Variants in KHDRBS2 observed in about 807,000 individuals in gnomAD.
KHDRBS2 encodes KH domain-containing, RNA-binding, signal transduction-associated protein 2.
KHDRBS2 carries 26 observed loss-of-function variants against 44.3 expected under a neutral mutation model. That is an observed-to-expected ratio of 0.59 (90% CI 0.43 to 0.81). The LOEUF is 0.81. KHDRBS2 is among the 40% of genes least tolerant of loss of function. KHDRBS2 has a pLI of 0.00. For missense variants in KHDRBS2, 476 were observed against 433.1 expected (o/e 1.10, Z -0.88); for synonymous variants, 194 against 151.1 (o/e 1.28, Z -2.08).
chr6:61,726,455 T>G (rs79584927), intron 7 of KHDRBS2, among the ~76,000 whole-genome samples: 1 of 152,118 alleles, frequency 6.6e-6, no homozygotes, highest in South Asian at 2.1e-4. Context: ...ACAAAGCATA[T>G]TCAAATAGGG....
chr6:62,081,158 CA>C (rs1797315933), intron 2 of KHDRBS2, among the ~76,000 whole-genome samples: 1 of 152,000 alleles, frequency 6.6e-6, no homozygotes, highest in South Asian at 2.1e-4. Context: ...GCATTTTTAA[CA>C]ATTAAGATAC....
At chr6:62,138,365 A>G (rs1309264106) in intron 2 of KHDRBS2, among the ~76,000 whole-genome samples, 1 of 152,226 alleles carries the variant, frequency 6.6e-6, no homozygotes, top group Non-Finnish European at 1.5e-5. Context: ...TAAAGCCAAT[A>G]TTGTTAAGAG....
rs1202205562 is a variant in KHDRBS2, at chr6:62,286,114, C to T, written c.-166G>A. On this transcript the variant is annotated 5_prime_UTR_variant, in exon 1 of 9. Coordinates refer to ENST00000281156, the MANE Select transcript of KHDRBS2 (RefSeq NM_152688.4). ...TGCACCCAGCACCTGCGACTCCCGC[C>T]GTCGGGCTGCGTGGCCCCGCGCCCA... 5 of 578,168 alleles carry T rather than the reference C, an allele frequency of 8.6e-6. No homozygotes were observed. Among genetic ancestry groups the T allele is most frequent in the African/African-American group, 6.0e-5 (3 of 50,408 alleles). The allele number at this position is 578,168 out of a possible 1,614,324, so 35.8% of individuals were successfully genotyped here.
At chr6:62,074,316 A>T (rs1795902006) in intron 2 of KHDRBS2, among the ~76,000 whole-genome samples, 1 of 151,928 alleles carries the variant, frequency 6.6e-6, no homozygotes, top group African/African-American at 2.4e-5. Context: ...TGGAACACAG[A>T]GATCCTGCAC....
intron 1 of KHDRBS2, among the ~76,000 whole-genome samples, chr6:62,226,412 T>C (rs1831834154): frequency 6.6e-6 from 1 of 152,210 alleles, no homozygotes; most frequent in Admixed American, 6.5e-5. Context: ...TTGTTTAAGG[T>C]CCTTGTAGAT....
At chr6:62,157,276 A>G in intron 2 of KHDRBS2, among the ~76,000 whole-genome samples, 1 of 151,768 alleles carries the variant, frequency 6.6e-6, no homozygotes, top group East Asian at 2.0e-4. Flanking sequence ...TCAGTGAGCC[A>G]AGATAGCGCC....
At chr6:61,957,978 G>A (rs1436057564) in intron 4 of KHDRBS2, among the ~76,000 whole-genome samples, 1 of 152,010 alleles carries the variant, frequency 6.6e-6, no homozygotes. Flanking sequence ...AACACTTAGG[G>A]AAAATAGAAA....
chr6:61,841,891 T>A (rs1793660698), intron 6 of KHDRBS2, among the ~76,000 whole-genome samples: 1 of 152,206 alleles, frequency 6.6e-6, no homozygotes. Flanking sequence ...TCCTCATTTG[T>A]GTTTTTTATC....
At chr6:62,039,338 C>T (rs180913250) in intron 3 of KHDRBS2, among the ~76,000 whole-genome samples, 1 of 151,304 alleles carries the variant, frequency 6.6e-6, no homozygotes, top group African/African-American at 2.4e-5. Flanking sequence ...CATTAGAGGA[C>T]AGCAGAAATA....
rs140671608 is a variant in KHDRBS2, at chr6:61,936,213, G to A, written c.484-34842C>T. Among the ~76,000 whole-genome samples, 54 of 151,778 alleles carry A rather than the reference G, an allele frequency of 3.6e-4. No individual in the cohort carries two copies. In the East Asian group the frequency reaches 9.1e-3, roughly 26 times the overall value. On this transcript the variant is annotated intron_variant, in intron 4 of 8. Coordinates refer to ENST00000281156, the MANE Select transcript of KHDRBS2 (RefSeq NM_152688.4). ...TTTGCTTCCTCTCCAGTTCTATTTT[G>A]TACCTTCCACTAGATTGATCACATT...
chr6:61,545,496 A>AAT, the KHDRBS2 span, among the ~76,000 whole-genome samples: 1 of 88,094 alleles, frequency 1.1e-5, no homozygotes, highest in Non-Finnish European at 2.2e-5. Flanking sequence ...ATTTTTAGCT[A>AAT]ATCTCTGTGT....
chr6:62,054,538 T>G (rs1361841786), intron 2 of KHDRBS2, among the ~76,000 whole-genome samples: 22 of 152,144 alleles, frequency 1.4e-4, no homozygotes, highest in South Asian at 1.0e-3. Context: ...AGATGAGGGA[T>G]TATCCTGGAT....
chr6:62,105,094 TC>T (rs2127377369), intron 2 of KHDRBS2, among the ~76,000 whole-genome samples: 1 of 152,222 alleles, frequency 6.6e-6, no homozygotes. Flanking sequence ...AAGAAAATGA[TC>T]ATTTGTACAG....
At chr6:61,823,157 G>A (rs1790246733) in intron 6 of KHDRBS2, among the ~76,000 whole-genome samples, 1 of 151,946 alleles carries the variant, frequency 6.6e-6, no homozygotes, top group Non-Finnish European at 1.5e-5. Flanking sequence ...AGTTGCAAAG[G>A]GGCCATGAGA....
intron 1 of KHDRBS2, among the ~76,000 whole-genome samples, chr6:62,220,228 A>T (rs900955036): frequency 2.6e-5 from 4 of 151,886 alleles, no homozygotes; most frequent in African/African-American, 9.7e-5. Flanking sequence ...CAATTCAGTC[A>T]AACCAGAGAA....
chr6:61,807,507 T>C (rs1217847275), intron 6 of KHDRBS2, among the ~76,000 whole-genome samples: 1 of 152,060 alleles, frequency 6.6e-6, no homozygotes, highest in Admixed American at 6.6e-5. Flanking sequence ...AATGAGATCA[T>C]GTCCTTTGCG....
At chr6:61,632,503 T>G in the KHDRBS2 span, among the ~76,000 whole-genome samples, 1 of 152,178 alleles carries the variant, frequency 6.6e-6, no homozygotes, top group Non-Finnish European at 1.5e-5. Context: ...CAAATAAGAT[T>G]AAAGCATAAA....
intron 6 of KHDRBS2, among the ~76,000 whole-genome samples, chr6:61,796,686 G>T (rs892210482): frequency 1.3e-5 from 2 of 152,012 alleles, no homozygotes; most frequent in African/African-American, 4.8e-5. Flanking sequence ...CCTAGCATGG[G>T]TATAATTTTG....
intron 8 of KHDRBS2, among the ~76,000 whole-genome samples, chr6:61,682,457 G>T (rs1266657559): frequency 6.6e-6 from 1 of 151,750 alleles, no homozygotes; most frequent in African/African-American, 2.4e-5. Context: ...CAAAATACAG[G>T]TTTACTTGGA....
Sources: allele counts gnomAD v4.1 joint callset (sites outside exome capture counted in the v4.1 genomes callset), GRCh38; gene constraint gnomAD v4.1.1; transcripts MANE v1.5; gene names NCBI Gene and HGNC (gene_info 2026-07-23, HGNC 2026-07-21).